Variants in ERBB4 observed in about 807,000 individuals in gnomAD.
The protein encoded by ERBB4 is erb-b2 receptor tyrosine kinase 4, also known as receptor tyrosine-protein kinase erbB-4.
A neutral mutation model predicts 158.0 loss-of-function variants in ERBB4; 42 were observed. That is an observed-to-expected ratio of 0.27 (90% CI 0.21 to 0.34). ERBB4 has a LOEUF of 0.34. Among genes scored for constraint, ERBB4 ranks in the 10% least tolerant of loss-of-function variants. ERBB4 has a pLI of 1.00. For missense variants in ERBB4, 1,333 were observed against 1,624.1 expected, an observed-to-expected ratio of 0.82 and a Z score of 3.08; for synonymous variants, 583 against 558.7, an observed-to-expected ratio of 1.04 and a Z score of -0.61.
chr2:211,740,867 C>T (rs2074770630), intron 5 of ERBB4, among the ~76,000 whole-genome samples: 1 of 152,112 alleles, frequency 6.6e-6, no homozygotes, highest in African/African-American at 2.4e-5. Flanking sequence ...GCCTCAGCCT[C>T]CCAAAGTGCT....
At chr2:211,967,755 T>C (rs1273491903) in intron 2 of ERBB4, among the ~76,000 whole-genome samples, 2 of 151,998 alleles carry the variant, frequency 1.3e-5, no homozygotes, top group East Asian at 3.8e-4. Flanking sequence ...TAGAATTCAG[T>C]TATATTGTTT....
intron 2 of ERBB4, among the ~76,000 whole-genome samples, chr2:211,973,306 A>G (rs935751306): frequency 5.3e-5 from 8 of 151,090 alleles, no homozygotes; most frequent in Admixed American, 3.3e-4. Flanking sequence ...GGTTCATGCC[A>G]TTCTCCTGCC....
intron 1 of ERBB4, among the ~76,000 whole-genome samples, chr2:212,436,648 G>A (rs72933190): frequency 0.013 from 2,030 of 151,994 alleles, 21 homozygotes; most frequent in Non-Finnish European, 0.021. Flanking sequence ...TGACACATGG[G>A]AAGAAAATAT....
intron 24 of ERBB4, among the ~76,000 whole-genome samples, chr2:211,420,885 G>A (rs1161037511): frequency 6.6e-6 from 1 of 151,944 alleles, no homozygotes; most frequent in African/African-American, 2.4e-5. Context: ...TTTTAGGGAG[G>A]TAAAATCAAT....
intron 2 of ERBB4, among the ~76,000 whole-genome samples, chr2:211,957,425 T>C (rs1018389733): frequency 2.0e-5 from 3 of 152,140 alleles, no homozygotes; most frequent in African/African-American, 7.2e-5. Flanking sequence ...TCCAGAATTG[T>C]GAGAAAATAA....
chr2:211,675,752 CAT>C (rs1377943461), intron 13 of ERBB4, among the ~76,000 whole-genome samples: 6 of 135,330 alleles, frequency 4.4e-5, no homozygotes, highest in East Asian at 2.0e-4. Context: ...CATTTTTTAA[CAT>C]ATATATATTT....
In ERBB4 at chr2:212,486,224, TG is replaced by T. The variant is rs1446266495; in HGVS notation, c.82+52224del. ...AAAACTTTTAGGACATTAAAGTAAC[TG>T]GGGGTGTATAACTTGGTAAAATGAG... On this transcript the variant is annotated intron_variant, in intron 1 of 27. Coordinates refer to ENST00000342788, the MANE Select transcript of ERBB4 (RefSeq NM_005235.3). Among the ~76,000 whole-genome samples the T allele has an allele frequency of 4.6e-5, 7 of 151,972 alleles. No individual in the cohort carries two copies. In the East Asian group the frequency reaches 5.8e-4, roughly 13 times the overall value.
intron 1 of ERBB4, among the ~76,000 whole-genome samples, chr2:212,531,576 G>A (rs893738670): frequency 5.9e-5 from 9 of 152,084 alleles, no homozygotes; most frequent in African/African-American, 2.2e-4. Flanking sequence ...TGGATTTCCT[G>A]GTTAAAGGTC....
chr2:212,192,007 A>T (rs969728046), intron 1 of ERBB4, among the ~76,000 whole-genome samples: 21,114 of 97,384 alleles, frequency 0.22, 2,187 homozygotes, highest in Non-Finnish European at 0.3. Flanking sequence ...TGTTATATAT[A>T]ATATATGTTA....
At chr2:211,665,498 A>G (rs951244529) in intron 14 of ERBB4, 21 bp from the exon 15 acceptor site, 1 of 1,611,572 alleles carries the variant, frequency 6.2e-7, no homozygotes, top group South Asian at 1.1e-5. Flanking sequence ...AAAACGAAAA[A>G]AAAAGAAAAA....
chr2:211,404,230 C>A (rs777883413), intron 25 of ERBB4, among the ~76,000 whole-genome samples: 4 of 152,060 alleles, frequency 2.6e-5, no homozygotes, highest in Non-Finnish European at 5.9e-5. Flanking sequence ...GCTGCCGGTT[C>A]CATCAGTGCT....
At chr2:211,727,318 T>G (rs1575058876) in intron 5 of ERBB4, among the ~76,000 whole-genome samples, 1 of 152,126 alleles carries the variant, frequency 6.6e-6, no homozygotes, top group Non-Finnish European at 1.5e-5. Flanking sequence ...GATATTTCTA[T>G]GGCACTTATA....
chr2:212,085,763 C>G (rs2078586100), intron 2 of ERBB4, among the ~76,000 whole-genome samples: 1 of 151,856 alleles, frequency 6.6e-6, no homozygotes, highest in African/African-American at 2.4e-5. Flanking sequence ...ATTATACCTT[C>G]CTCATAAAGT....
In ERBB4 at chr2:212,148,909, G is replaced by A. The variant is rs543723227; in HGVS notation, c.83-24006C>T. Among the ~76,000 whole-genome samples the A allele has an allele frequency of 3.5e-5, 5 of 141,814 alleles. No homozygotes were observed. In the South Asian group the frequency reaches 1.2e-3, roughly 34 times the overall value. The allele number at this position is 141,814 out of a possible 152,430, so 93.0% of individuals were successfully genotyped here. A position where few individuals can be genotyped will look rare whatever the true frequency, so the allele number is the denominator to read the frequency against. ...AAACCATCATTCTCAGTAAACTATC[G>A]CAAGAACAAAAAACCAAACACCGCA... On this transcript the variant is annotated intron_variant, in intron 1 of 27. Transcript: ENST00000342788.
chr2:212,493,931 A>G (rs1379667570), intron 1 of ERBB4, among the ~76,000 whole-genome samples: 5 of 151,866 alleles, frequency 3.3e-5, no homozygotes, highest in Non-Finnish European at 7.4e-5. Context: ...AGAATATACC[A>G]CTAAGAGAAA....
At chr2:211,836,328 A>C (rs780617886) in intron 3 of ERBB4, among the ~76,000 whole-genome samples, 10 of 152,112 alleles carry the variant, frequency 6.6e-5, no homozygotes, top group Non-Finnish European at 1.3e-4. Context: ...GTAAAAAGTC[A>C]CAGGCAGAGT....
At chr2:212,508,345 G>A (rs1691309767) in intron 1 of ERBB4, among the ~76,000 whole-genome samples, 1 of 151,674 alleles carries the variant, frequency 6.6e-6, no homozygotes, top group South Asian at 2.1e-4. Flanking sequence ...AAATAAAGTT[G>A]GATCAATTTT....
At chr2:211,605,408 T>C (rs528011012) in intron 19 of ERBB4, among the ~76,000 whole-genome samples, 1 of 152,216 alleles carries the variant, frequency 6.6e-6, no homozygotes, top group African/African-American at 2.4e-5. Flanking sequence ...AGATGGAACA[T>C]ATTAAGAAAA....
intron 3 of ERBB4, among the ~76,000 whole-genome samples, chr2:211,861,955 A>T (rs1324768155): frequency 6.6e-6 from 1 of 152,210 alleles, no homozygotes; most frequent in Non-Finnish European, 1.5e-5. Flanking sequence ...GGGTAAAGTC[A>T]TGTGAAATAA....
Sources: gnomAD v4.1 joint callset for allele counts (sites outside exome capture counted in the v4.1 genomes callset) on GRCh38, gnomAD v4.1.1 for gene constraint, MANE v1.5 for transcripts, NCBI Gene and HGNC (gene_info 2026-07-23, HGNC 2026-07-21) for gene names.